KBTBD11: variants seen among roughly 807,000 people sequenced by gnomAD.
KBTBD11 encodes the protein kelch repeat and BTB domain-containing protein 11.
For missense variants in KBTBD11, 1,390 were observed against 1,001.8 expected, an observed-to-expected ratio of 1.39 and a Z score of -5.23; for synonymous variants, 747 against 499.0, an observed-to-expected ratio of 1.50 and a Z score of -6.63.
chr8:1,974,616 C>T (rs1396618073), intron 1 of KBTBD11: 1 of 985,216 alleles, frequency 1.0e-6, no homozygotes, highest in African/African-American at 1.7e-5. Context: ...CCCGCCCCAC[C>T]GCGCCGCGGC....
chr8:1,975,815 G>C (rs769848095), intron 1 of KBTBD11: 1 of 152,208 alleles, frequency 6.6e-6, no homozygotes, highest in African/African-American at 2.4e-5. Flanking sequence ...GAAGAATCCG[G>C]AAAGGTGGTT....
Position 1,973,758 on chromosome 8 carries a change from G to A in KBTBD11, c.-1086G>A. The A allele has an allele frequency of 1.0e-6, 1 of 983,762 alleles. No individual in the cohort carries two copies. Among genetic ancestry groups the A allele is most frequent in the Non-Finnish European group, 1.2e-6 (1 of 829,320 alleles). 60.9% of individuals were successfully genotyped at this position (983,762 alleles called of 1,614,324 possible). A position where few individuals can be genotyped will look rare whatever the true frequency, so the allele number is the denominator to read the frequency against. On this transcript the variant is annotated 5_prime_UTR_variant, in exon 1 of 2. Coordinates refer to ENST00000320248, the MANE Select transcript of KBTBD11 (RefSeq NM_014867.3). ...GGAGAGGCGGAGAGGCCTGTCCACC[G>A]CCCCCTCTGCCGCCCACGCCCCGCT...
In KBTBD11 at chr8:1,993,528, TCCACCCAC is replaced by T. The variant is rs139108361; in HGVS notation, c.-908-6733_-908-6726del. On this transcript the variant is annotated intron_variant, in intron 1 of 1. Coordinates refer to ENST00000320248, the MANE Select transcript of KBTBD11 (RefSeq NM_014867.3). Reference sequence around the variant, plus strand: ...ATCCATCCATCCATCCACCCATCCATCCACCCACCCACCCACCCACCCACCCACCCATC... The same window carrying T: ...ATCCATCCATCCATCCACCCATCCATCCACCCACCCACCCACCCACCCATC... Among the ~76,000 whole-genome samples the T allele has an allele frequency of 2.9e-3, 120 of 41,892 alleles. 1 individual carries two copies. Among genetic ancestry groups the T allele is most frequent in the African/African-American group, 5.0e-3 (76 of 15,138 alleles). 27.5% of individuals were successfully genotyped at this position (41,892 alleles called of 152,430 possible). A position where few individuals can be genotyped will look rare whatever the true frequency, so the allele number is the denominator to read the frequency against.
chr8:1,975,466 AC>A (rs756181920), intron 1 of KBTBD11, among the ~76,000 whole-genome samples: 17 of 152,080 alleles, frequency 1.1e-4, no homozygotes, highest in Non-Finnish European at 2.5e-4. Context: ...CCATTGTGTT[AC>A]AATTGCCTGC....
intron 1 of KBTBD11, among the ~76,000 whole-genome samples, chr8:1,986,045 T>C (rs1816698693): frequency 6.6e-6 from 1 of 152,236 alleles, no homozygotes; most frequent in African/African-American, 2.4e-5. Context: ...CAAGTCTTGA[T>C]TTCTGCATCA....
chr8:1,978,295 A>C (rs549158409), intron 1 of KBTBD11, among the ~76,000 whole-genome samples: 4 of 152,174 alleles, frequency 2.6e-5, no homozygotes, highest in Non-Finnish European at 4.4e-5. Flanking sequence ...ATTTTGCTTA[A>C]AAGTCTGCAG....
intron 1 of KBTBD11, chr8:1,974,578 C>A: frequency 2.0e-6 from 2 of 985,048 alleles, no homozygotes; most frequent in South Asian, 9.4e-5. Flanking sequence ...GGCTGCTGAC[C>A]CCCGCGAGCC....
intron 1 of KBTBD11, among the ~76,000 whole-genome samples, chr8:1,989,370 C>T (rs1460325517): frequency 2.0e-5 from 3 of 152,200 alleles, no homozygotes; most frequent in East Asian, 1.9e-4. Context: ...CCAGTGAGCA[C>T]AGGCTGTGTT....
intron 1 of KBTBD11, among the ~76,000 whole-genome samples, chr8:1,979,721 CA>C (rs1816475623): frequency 6.6e-6 from 1 of 151,680 alleles, no homozygotes; most frequent in African/African-American, 2.4e-5. Flanking sequence ...AAGTACCTAT[CA>C]TAACCTTCCT....
chr8:1,974,711 G>A (rs376994140), intron 1 of KBTBD11: 1 of 985,302 alleles, frequency 1.0e-6, no homozygotes, highest in Admixed American at 6.1e-5. Context: ...ATTCCGCAGG[G>A]GTCCCTCCTC....
intron 1 of KBTBD11, among the ~76,000 whole-genome samples, chr8:1,985,240 G>A (rs927524775): frequency 3.3e-5 from 5 of 152,262 alleles, no homozygotes; most frequent in African/African-American, 1.2e-4. Flanking sequence ...GTGTCCACTG[G>A]TGGAGCCCAC....
At chr8:1,987,931 T>G (rs573931739) in intron 1 of KBTBD11, among the ~76,000 whole-genome samples, 1 of 152,222 alleles carries the variant, frequency 6.6e-6, no homozygotes, top group Admixed American at 6.5e-5. Context: ...CCCGCCCTGT[T>G]TCCAAGTGAT....
At chr8:1,998,114 T>C (rs768772692) in intron 1 of KBTBD11, among the ~76,000 whole-genome samples, 8 of 152,240 alleles carry the variant, frequency 5.3e-5, no homozygotes, top group African/African-American at 7.2e-5. Context: ...TTTTGAGTGC[T>C]GACATAATGC....
At chr8:1,987,725 T>TTTA (rs10628962) in intron 1 of KBTBD11, among the ~76,000 whole-genome samples, 25,258 of 149,198 alleles carry the variant, frequency 0.17, 3,578 homozygotes, top group African/African-American at 0.39. Context: ...TTTTGGAGCC[T>TTTA]TTATTATTAT....
intron 1 of KBTBD11, among the ~76,000 whole-genome samples, chr8:1,996,554 C>T (rs1334597325): frequency 6.6e-6 from 1 of 152,128 alleles, no homozygotes; most frequent in Non-Finnish European, 1.5e-5. Context: ...AGGCTTGAGC[C>T]ACCGCGCCTG....
Position 2,004,908 on chromosome 8 carries a change from G to A in KBTBD11, c.*1844G>A, listed in dbSNP as rs1352152429. On this transcript the variant is annotated 3_prime_UTR_variant, in exon 2 of 2. Transcript: ENST00000320248. ...CCTTTTCCTCTAGAATTTTATTAAT[G>A]GTAGAAATTTTTATATGAAATGGGA... 6.0e-6 allele frequency: 1 copy of A among 166,996 alleles called. No individual in the cohort carries two copies. Among genetic ancestry groups the A allele is most frequent in the Non-Finnish European group, 1.5e-5 (1 of 68,112 alleles). The allele number at this position is 166,996 out of a possible 1,614,324, so 10.3% of individuals were successfully genotyped here.
Position 2,006,790 on chromosome 8 carries a change from G to A in KBTBD11, c.*3726G>A, listed in dbSNP as rs1817585124. On this transcript the variant is annotated 3_prime_UTR_variant, in exon 2 of 2. Transcript: ENST00000320248. ...TAAAGGTAAACTACACCTGTTGAAG[G>A]CCAAGTTCAGGGCAGCTGTTGTGAT... 1 of 167,124 alleles carries A rather than the reference G, an allele frequency of 6.0e-6. No individual in the cohort carries two copies. Among genetic ancestry groups the A allele is most frequent in the Non-Finnish European group, 1.5e-5 (1 of 68,146 alleles). 10.4% of individuals were successfully genotyped at this position (167,124 alleles called of 1,614,324 possible).
In KBTBD11 at chr8:2,002,691, G is replaced by A. The variant is rs776822359; in HGVS notation, c.1499G>A (p.Gly500Asp). ...TCGGCCGACATGGTGGCTCTCGACG[G>A]CTTCATCTACCGCTTCGATCTGAGC... ...ERSADMVALDGFIYRFDLSGS... is the reference protein window; with the variant it reads ...ERSADMVALDDFIYRFDLSGS... The change falls in exon 2 of 2, where the codon GGC becomes GAC. Residue 500 changes from glycine to aspartate, a missense_variant. Gly to Asp is a moderately conservative substitution (Grantham distance 94). Coordinates refer to ENST00000320248, the MANE Select transcript of KBTBD11 (RefSeq NM_014867.3). This position sits in a 1 kb window ranked among gnomAD's most constrained non-coding sequence, Gnocchi z 4.1. 1.3e-6 allele frequency: 2 copies of A among 1,556,272 alleles called. No individual in the cohort carries two copies. Among genetic ancestry groups the A allele is most frequent in the Admixed American group, 1.8e-5 (1 of 54,070 alleles).
rs755129204 is a variant in KBTBD11 at position 2,002,005 on chromosome 8, C to G, written c.813C>G (p.Ala271=). ...ATCTGGAGGTGCTGCGCGAGCCCGC[C>G]GTGTTCGGCCGCCTGTCGGGCGCAG... The part of the protein sequence containing the change: ...DHYLEVLREP[A]VFGRLSGAER... The change falls in exon 2 of 2, where the codon GCC becomes GCG. Residue 271 remains alanine, a synonymous_variant. Transcript: ENST00000320248. This position sits in a 1 kb window ranked among gnomAD's most constrained non-coding sequence, Gnocchi z 4.1. 5.6e-6 allele frequency: 8 copies of G among 1,418,628 alleles called. No homozygotes were observed. The highest frequency in any genetic ancestry group is 5.6e-6 in the Non-Finnish European group (6 of 1,077,088). 87.9% of individuals were successfully genotyped at this position (1,418,628 alleles called of 1,614,324 possible).
Sources: allele counts gnomAD v4.1 joint callset (sites outside exome capture counted in the v4.1 genomes callset), GRCh38; gene constraint gnomAD v4.1.1; non-coding constraint Gnocchi (gnomAD v3.1); transcripts MANE v1.5; gene names NCBI Gene and HGNC (gene_info 2026-07-23, HGNC 2026-07-21).